The following BAZ2B variants were observed in gnomAD, a reference collection of about 807,000 sequenced individuals.
The protein encoded by BAZ2B is bromodomain adjacent to zinc finger domain 2B.
In BAZ2B, 91 loss-of-function variants were observed where a neutral mutation model predicts 246.0. That is an observed-to-expected ratio of 0.37 (90% CI 0.31 to 0.44). BAZ2B has a LOEUF of 0.44. Ranked by LOEUF, BAZ2B falls within the 20% of genes least tolerant of loss-of-function variation. BAZ2B has a pLI of 1.00. For missense variants in BAZ2B, 2,332 were observed against 2,533.7 expected (o/e 0.92, Z 1.71); for synonymous variants, 855 against 860.0 (o/e 0.99, Z 0.10).
intron 25 of BAZ2B, among the ~76,000 whole-genome samples, chr2:159,375,289 T>A (rs984880980): frequency 6.6e-6 from 1 of 152,136 alleles, no homozygotes; most frequent in Non-Finnish European, 1.5e-5. Flanking sequence ...GAGGTAGTGA[T>A]TAAAACCTGT....
intron 2 of BAZ2B, among the ~76,000 whole-genome samples, chr2:159,492,010 A>G (rs1222485714): frequency 6.6e-6 from 1 of 152,162 alleles, no homozygotes; most frequent in Non-Finnish European, 1.5e-5. Flanking sequence ...GTGGCAGCAC[A>G]TATCTATTCT....
the BAZ2B span, among the ~76,000 whole-genome samples, chr2:159,682,891 G>A: frequency 7.5e-6 from 1 of 132,496 alleles, no homozygotes. Flanking sequence ...CTCTGTTTTA[G>A]AGATAAACTG....
At chr2:159,689,121 T>A in the BAZ2B span, 1 of 302,856 alleles carries the variant, frequency 3.3e-6, no homozygotes. Context: ...CTGACTAGAA[T>A]TCTATTCTAC....
At chr2:159,561,923 G>A (rs971758185) in intron 1 of BAZ2B, among the ~76,000 whole-genome samples, 11 of 152,122 alleles carry the variant, frequency 7.2e-5, no homozygotes, top group Non-Finnish European at 1.2e-4. Context: ...CTTAGGAAAC[G>A]AATCTTGGAT....
intron 25 of BAZ2B, among the ~76,000 whole-genome samples, chr2:159,382,043 T>A (rs2062049386): frequency 6.6e-6 from 1 of 152,218 alleles, no homozygotes; most frequent in African/African-American, 2.4e-5. Flanking sequence ...AAAGCAGTTA[T>A]CACATTATGT....
chr2:159,551,717 A>G (rs544914268), intron 2 of BAZ2B, among the ~76,000 whole-genome samples: 18 of 152,200 alleles, frequency 1.2e-4, no homozygotes, highest in Non-Finnish European at 2.4e-4. Flanking sequence ...ACCTTTAATC[A>G]AGTAAGAACT....
the BAZ2B span, among the ~76,000 whole-genome samples, chr2:159,706,575 T>C: frequency 3.3e-5 from 5 of 152,232 alleles, no homozygotes; most frequent in African/African-American, 1.2e-4. Flanking sequence ...TGTGCACACT[T>C]GGCTGAACTC....
At chr2:159,652,759 A>G in the BAZ2B span, among the ~76,000 whole-genome samples, 1 of 151,940 alleles carries the variant, frequency 6.6e-6, no homozygotes, top group Non-Finnish European at 1.5e-5. Context: ...TTGGAACTAC[A>G]GGTGTGTGGT....
the BAZ2B span, among the ~76,000 whole-genome samples, chr2:159,641,270 T>C: frequency 6.6e-5 from 10 of 152,266 alleles, 1 homozygote; most frequent in African/African-American, 1.7e-4. Context: ...GTCTGACTGG[T>C]GTTAGTATCT....
In BAZ2B at chr2:159,385,359, G is replaced by A. The variant is rs1448943145; in HGVS notation, c.3482C>T (p.Ala1161Val). 6.2e-7 allele frequency: 1 copy of A among 1,612,132 alleles called. No homozygotes were observed. Residue 1161 changes from alanine to valine, a missense_variant, in exon 23 of 37, where the codon GCT (alanine) becomes GTT (valine). By Grantham distance (64) the Ala-to-Val change is moderately conservative. Coordinates refer to ENST00000392783, the MANE Select transcript of BAZ2B (RefSeq NM_013450.4). ...GLITGYKAKT[A>V]LGEHLLNVGV... ...AACATTCAGCAAATGTTCTCCAAGAGCTGTTTTAGCCTATAAAAGTTTGGC... is the reference window on the plus strand; with the variant it reads ...AACATTCAGCAAATGTTCTCCAAGAACTGTTTTAGCCTATAAAAGTTTGGC...
At position 159,505,134 on chromosome 2, in the gene BAZ2B, T is replaced by C. The variant is rs180777031; in HGVS notation, c.-2-26413A>G. On this transcript the variant is annotated intron_variant, in intron 2 of 36. Coordinates refer to ENST00000392783, the MANE Select transcript of BAZ2B (RefSeq NM_013450.4). Reference sequence around the variant, plus strand: ...AGGTAGTCATATACTTAGAGAAAACTTGACCAATAAAAATCTTAATTTAGA... The same window carrying C: ...AGGTAGTCATATACTTAGAGAAAACCTGACCAATAAAAATCTTAATTTAGA... Among the ~76,000 whole-genome samples the C allele has an allele frequency of 1.6e-3, 240 of 152,274 alleles. 1 individual carries two copies. The highest frequency in any genetic ancestry group is 6.8e-3 in the Middle Eastern group (2 of 294).
chr2:159,500,801 A>G (rs2151097795), intron 2 of BAZ2B, among the ~76,000 whole-genome samples: 1 of 151,964 alleles, frequency 6.6e-6, no homozygotes. Flanking sequence ...TAAAAGTACA[A>G]AAATTAGCTG....
intron 1 of BAZ2B, among the ~76,000 whole-genome samples, chr2:159,609,930 T>C (rs1192613619): frequency 6.6e-6 from 1 of 152,192 alleles, no homozygotes; most frequent in Admixed American, 6.5e-5. Context: ...AACCAATTCA[T>C]GTTAAAGCCA....
intron 3 of BAZ2B, among the ~76,000 whole-genome samples, chr2:159,470,091 T>C (rs982300436): frequency 4.6e-5 from 7 of 152,218 alleles, no homozygotes; most frequent in Non-Finnish European, 1.0e-4. Flanking sequence ...GGATAACCCA[T>C]CATAACCAAG....
chr2:159,368,081 T>G (rs1206944755), intron 27 of BAZ2B, among the ~76,000 whole-genome samples: 1 of 152,196 alleles, frequency 6.6e-6, no homozygotes, highest in Non-Finnish European at 1.5e-5. Flanking sequence ...ACGTGCTGTA[T>G]CTTTCCAATT....
At chr2:159,615,667 C>A (rs897600066) in intron 1 of BAZ2B, 1 of 152,338 alleles carries the variant, frequency 6.6e-6, no homozygotes, top group Non-Finnish European at 1.5e-5. Flanking sequence ...CCAGAAACTA[C>A]CCCGGCAGGG....
At chr2:159,407,764 G>A (rs1009245802) in intron 14 of BAZ2B, among the ~76,000 whole-genome samples, 1 of 152,070 alleles carries the variant, frequency 6.6e-6, no homozygotes, top group African/African-American at 2.4e-5. Context: ...AATATTAGGA[G>A]GTTACAGGCA....
chr2:159,655,485 T>C, the BAZ2B span, among the ~76,000 whole-genome samples: 2 of 152,236 alleles, frequency 1.3e-5, no homozygotes, highest in Non-Finnish European at 2.9e-5. Context: ...CGATAATGTT[T>C]CCAGGTGTGG....
At chr2:159,434,927 A>C (rs1418765581) in intron 8 of BAZ2B, 1 of 152,048 alleles carries the variant, frequency 6.6e-6, no homozygotes, top group Non-Finnish European at 1.5e-5. Context: ...AAACAACACA[A>C]TCATGAATTT....
Sources: gnomAD v4.1 joint callset for allele counts (sites outside exome capture counted in the v4.1 genomes callset) on GRCh38, gnomAD v4.1.1 for gene constraint, MANE v1.5 for transcripts, NCBI Gene and HGNC (gene_info 2026-07-23, HGNC 2026-07-21) for gene names.